Variants in BAIAP2L1 observed in about 807,000 individuals in gnomAD.
The protein encoded by BAIAP2L1 is BAR/IMD domain-containing adapter protein 2-like 1.
In BAIAP2L1, 35 loss-of-function variants were observed where a neutral mutation model predicts 66.3. That is an observed-to-expected ratio of 0.53 (90% CI 0.40 to 0.70). The LOEUF (loss-of-function observed/expected upper bound fraction) is 0.70. Among genes scored for constraint, BAIAP2L1 ranks in the 30% least tolerant of loss-of-function variants. The probability of loss-of-function intolerance (pLI) is 0.00; values close to 1 mark genes in which losing one functional copy is unlikely to be tolerated. For missense variants in BAIAP2L1, 622 were observed against 656.9 expected (o/e 0.95, Z 0.58); for synonymous variants, 269 against 248.7 (o/e 1.08, Z -0.77).
intron 3 of BAIAP2L1, among the ~76,000 whole-genome samples, chr7:98,354,768 C>A (rs755037637): frequency 4.6e-5 from 7 of 152,164 alleles, no homozygotes; most frequent in Non-Finnish European, 8.8e-5. Flanking sequence ...AAACTCCCAG[C>A]GGGAAGGGTG....
chr7:98,299,039 G>T (rs1800305601), intron 12 of BAIAP2L1, among the ~76,000 whole-genome samples: 1 of 151,858 alleles, frequency 6.6e-6, no homozygotes, highest in African/African-American at 2.4e-5. Flanking sequence ...TTTTGAGATG[G>T]AGTTTTCCTC....
intron 6 of BAIAP2L1, 143 bp downstream of exon 6, chr7:98,317,076 C>G (rs1243378856): frequency 2.0e-5 from 21 of 1,039,416 alleles, no homozygotes. Flanking sequence ...TGGTCTCGAA[C>G]TCCTGACCTC....
intron 1 of BAIAP2L1, among the ~76,000 whole-genome samples, chr7:98,367,163 T>C (rs963524212): frequency 9.2e-5 from 14 of 152,072 alleles, no homozygotes; most frequent in African/African-American, 3.4e-4. Flanking sequence ...GTTTTGGAGC[T>C]TCTTTGAAAT....
chr7:98,355,475 C>T (rs1255869595), intron 2 of BAIAP2L1: 1 of 235,558 alleles, frequency 4.2e-6, no homozygotes, highest in Non-Finnish European at 8.7e-6. Context: ...GTGGCTCACA[C>T]CTGTAATCCC....
At chr7:98,315,118 T>G (rs1176342532) in intron 7 of BAIAP2L1, among the ~76,000 whole-genome samples, 1 of 152,070 alleles carries the variant, frequency 6.6e-6, no homozygotes, top group African/African-American at 2.4e-5. Context: ...TGTGTGTATA[T>G]CTCTGTACGT....
Position 98,304,242 on chromosome 7 carries a change from G to T in BAIAP2L1, c.1376C>A (p.Thr459Lys). 2 of 1,613,108 alleles carry T rather than the reference G, an allele frequency of 1.2e-6. No individual in the cohort carries two copies. Among genetic ancestry groups the T allele is most frequent in the Non-Finnish European group, 1.7e-6 (2 of 1,179,572 alleles). ...ADRRADSARTTSTFKAPASKP... is the reference protein window; with the variant it reads ...ADRRADSARTKSTFKAPASKP... ...GGACGCTGGGGCCTTAAAGGTGGAT[G>T]TCGTCCTGGCCGAATCTGCTCTCCT... Residue 459 changes from threonine (T) to lysine (K), a missense_variant, in exon 12 of 14, where the codon ACA becomes AAA. Coordinates refer to ENST00000005260, the MANE Select transcript of BAIAP2L1 (RefSeq NM_018842.5).
At chr7:98,335,134 CAG>C (rs1225645585) in intron 3 of BAIAP2L1, among the ~76,000 whole-genome samples, 5 of 108,934 alleles carry the variant, frequency 4.6e-5, no homozygotes, top group African/African-American at 1.8e-4. Context: ...GCCTGGGTGA[CAG>C]AGCAAGACTC....
At chr7:98,327,972 T>G (rs948917644) in intron 3 of BAIAP2L1, among the ~76,000 whole-genome samples, 1 of 151,816 alleles carries the variant, frequency 6.6e-6, no homozygotes, top group Non-Finnish European at 1.5e-5. Context: ...GCTGAAGACT[T>G]GGAGGTGAAA....
At chr7:98,305,137 C>G (rs1210450185) in intron 11 of BAIAP2L1, among the ~76,000 whole-genome samples, 1 of 149,104 alleles carries the variant, frequency 6.7e-6, no homozygotes. Flanking sequence ...GTGATCTGCC[C>G]GCCTCGGCCT....
At chr7:98,319,437 T>C (rs150754211) in intron 5 of BAIAP2L1, among the ~76,000 whole-genome samples, 1 of 152,198 alleles carries the variant, frequency 6.6e-6, no homozygotes. Flanking sequence ...AAGTGTTATG[T>C]CTGCATCAGC....
chr7:98,307,257 C>T (rs559529408), intron 10 of BAIAP2L1: 234 of 356,516 alleles, frequency 6.6e-4, no homozygotes, highest in African/African-American at 3.6e-3. Context: ...AGGCGCCTGC[C>T]ACCACGCCTG....
At chr7:98,400,762 G>T in intron 1 of BAIAP2L1, 40 bp downstream of exon 1, 1 of 1,546,988 alleles carries the variant, frequency 6.5e-7, no homozygotes, top group Non-Finnish European at 8.7e-7. Context: ...CCCCGAGGTG[G>T]AAAGCCCTGA....
chr7:98,319,177 G>C (rs1342293947), intron 5 of BAIAP2L1, among the ~76,000 whole-genome samples: 1 of 152,144 alleles, frequency 6.6e-6, no homozygotes, highest in Non-Finnish European at 1.5e-5. Context: ...GGGTGAGCAG[G>C]AAGGGGACTT....
chr7:98,372,411 A>G (rs1802530546), intron 1 of BAIAP2L1, among the ~76,000 whole-genome samples: 1 of 152,050 alleles, frequency 6.6e-6, no homozygotes, highest in Admixed American at 6.6e-5. Context: ...GTCTCAAAAA[A>G]ACAAAACAAA....
At chr7:98,296,630 A>G (rs1800203526) in intron 12 of BAIAP2L1, among the ~76,000 whole-genome samples, 1 of 152,198 alleles carries the variant, frequency 6.6e-6, no homozygotes, top group Admixed American at 6.5e-5. Context: ...TCTGTAAAAA[A>G]CAAAAAAACA....
rs35931994 is a variant in BAIAP2L1 at position 98,336,247 on chromosome 7, CAT to C, written c.215-15951_215-15950del. Reference sequence around the variant, plus strand: ...AGTCATACTCCAAACCTTGGCATCACATGATATACCCAGGTAACAAACCCACA... The same window carrying C: ...AGTCATACTCCAAACCTTGGCATCACGATATACCCAGGTAACAAACCCACA... On this transcript the variant is annotated intron_variant, in intron 3 of 13. Coordinates refer to ENST00000005260, the MANE Select transcript of BAIAP2L1 (RefSeq NM_018842.5). Among the ~76,000 whole-genome samples the C allele has an allele frequency of 8.6e-4, 131 of 152,274 alleles. 1 individual carries two copies. In the East Asian group the frequency reaches 0.019, roughly 22 times the overall value.
intron 3 of BAIAP2L1, among the ~76,000 whole-genome samples, chr7:98,351,103 C>T (rs553339302): frequency 1.3e-5 from 2 of 152,194 alleles, no homozygotes; most frequent in African/African-American, 2.4e-5. Flanking sequence ...TCGGGTGATC[C>T]GCCCGCCTTG....
At chr7:98,380,736 G>GTT (rs11293027) in intron 1 of BAIAP2L1, among the ~76,000 whole-genome samples, 15 of 115,178 alleles carry the variant, frequency 1.3e-4, no homozygotes, top group Admixed American at 7.7e-4. Context: ...TATCCGGTCC[G>GTT]TTTTTTTTTT....
rs146410546 is a variant in BAIAP2L1, at chr7:98,302,312, G to A, written c.1422+1884C>T. ...TAACACTGAAGACTATCCAGGGTTG[G>A]CCAAAGTGTCAGTGCTCTCACTTAC... On this transcript the variant is annotated intron_variant, in intron 12 of 13. Transcript: ENST00000005260. 2.8e-3 allele frequency among the ~76,000 whole-genome samples: 426 copies of A among 152,288 alleles called. 2 individuals carry two copies. Among genetic ancestry groups the A allele is most frequent in the Middle Eastern group, 6.8e-3 (2 of 294 alleles).
Sources: allele counts gnomAD v4.1 joint callset (sites outside exome capture counted in the v4.1 genomes callset), GRCh38; gene constraint gnomAD v4.1.1; transcripts MANE v1.5; gene names NCBI Gene and HGNC (gene_info 2026-07-23, HGNC 2026-07-21).